Variants in KCTD14 observed in about 807,000 individuals in gnomAD.
KCTD14 encodes the protein potassium channel tetramerization domain containing 14, also known as BTB/POZ domain-containing protein KCTD14.
A neutral mutation model predicts 5.9 loss-of-function variants in KCTD14; 7 were observed. The ratio of observed to expected loss-of-function variants is 1.19; its 90% confidence interval spans 0.68 to 2.23. The LOEUF (loss-of-function observed/expected upper bound fraction) is 2.23. Among genes scored for constraint, KCTD14 ranks in the 30% most tolerant of loss-of-function variants. The probability of loss-of-function intolerance (pLI) is 0.00; values close to 1 mark genes in which losing one functional copy is unlikely to be tolerated. For missense variants in KCTD14, 342 were observed against 332.2 expected (o/e 1.03, Z -0.23); for synonymous variants, 140 against 133.1 (o/e 1.05, Z -0.36).
chr11:78,034,991 A>G (rs772161293), intron 2 of KCTD14, among the ~76,000 whole-genome samples: 22 of 152,180 alleles, frequency 1.4e-4, no homozygotes, highest in Non-Finnish European at 2.5e-4. Context: ...ACATAGAACT[A>G]AGAGTTGATG....
upstream of KCTD14, among the ~76,000 whole-genome samples, chr11:78,025,374 C>A (rs1193091718): frequency 2.0e-5 from 3 of 151,860 alleles, no homozygotes; most frequent in East Asian, 1.9e-4. Context: ...TATGTTCTAG[C>A]CATGCTGGCA....
upstream of KCTD14, among the ~76,000 whole-genome samples, chr11:78,025,118 G>GTGTGTATATATATA (rs1230114793): frequency 6.7e-4 from 30 of 44,472 alleles, no homozygotes; most frequent in East Asian, 1.1e-3. Flanking sequence ...GTGTGTGTGT[G>GTGTGTATATATATA]TATATATATA....
chr11:78,022,893 G>T (rs1257978630), intron 1 of KCTD14: 4 of 466,782 alleles, frequency 8.6e-6, no homozygotes, highest in Non-Finnish European at 1.5e-5. Flanking sequence ...ACCCAATGTA[G>T]AGGGAGGAAG....
chr11:78,024,876 C>T (rs767850482), upstream of KCTD14, among the ~76,000 whole-genome samples: 1 of 151,462 alleles, frequency 6.6e-6, no homozygotes, highest in African/African-American at 2.4e-5. Flanking sequence ...ACCTAGGAGA[C>T]GGAGGTTGCA....
At chr11:78,020,709 C>T (rs2034500) in intron 1 of KCTD14, among the ~76,000 whole-genome samples, 80,070 of 152,062 alleles carry the variant, frequency 0.53, 22,035 homozygotes, top group Admixed American at 0.64. Flanking sequence ...GCAAGGAAAG[C>T]TCAGACAGAA....
intron 1 of KCTD14, among the ~76,000 whole-genome samples, chr11:78,040,954 G>A (rs1857976439): frequency 6.6e-6 from 1 of 152,184 alleles, no homozygotes; most frequent in African/African-American, 2.4e-5. Context: ...ATAGGTGTGA[G>A]CCACCGCGCC....
chr11:78,019,341 G>C (rs530900999), intron 1 of KCTD14, among the ~76,000 whole-genome samples: 1 of 152,062 alleles, frequency 6.6e-6, no homozygotes, highest in South Asian at 2.1e-4. Context: ...AAGAGATGCG[G>C]TCTTGCTCTG....
chr11:78,017,153 A>G lies in KCTD14; in HGVS notation c.208T>C (p.Ser70Pro), dbSNP rs1565308202. 6.2e-7 allele frequency: 1 copy of G among 1,614,144 alleles called. No individual in the cohort carries two copies. The highest frequency in any genetic ancestry group is 8.5e-7 in the Non-Finnish European group (1 of 1,180,008). Residue 70 changes from serine to proline, a missense_variant, in exon 2 of 2, where the codon TCC becomes CCC. Coordinates refer to ENST00000353172, the MANE Select transcript of KCTD14 (RefSeq NM_023930.4). ...AAGAAGCGGCCCTCCGCGTCCGTGG[A>G]GGCCTTGGCTAAGCTAGAGAACATC... ...AEMFSSLAKA[S>P]TDAEGRFFID...
At chr11:78,041,290 A>G (rs556980366) in intron 1 of KCTD14, among the ~76,000 whole-genome samples, 8 of 152,310 alleles carry the variant, frequency 5.3e-5, no homozygotes, top group Middle Eastern at 3.4e-3. Flanking sequence ...TGGAGACCCA[A>G]GAACACAGCA....
upstream of KCTD14, chr11:78,023,278 C>T: frequency 6.2e-7 from 1 of 1,604,174 alleles, no homozygotes; most frequent in Non-Finnish European, 8.5e-7. Context: ...CGGAAGTGCC[C>T]CTGGCTGCCC....
chr11:78,040,606 C>G (rs553193695), intron 1 of KCTD14, among the ~76,000 whole-genome samples: 100 of 152,046 alleles, frequency 6.6e-4, no homozygotes, highest in Non-Finnish European at 1.3e-3. Flanking sequence ...GTGAGTCATC[C>G]CTTCCCCAGG....
rs138963290 is a variant in KCTD14, at chr11:78,017,057, G to C, written c.304C>G (p.His102Asp). 85 of 1,614,144 alleles carry C rather than the reference G, an allele frequency of 5.3e-5. No individual in the cohort carries two copies. The African/African-American group carries it at 1.0e-3, about 20-fold the overall frequency. Reference sequence around the variant, plus strand: ...GCCTCACGGTACACTTCAGGGATGTGCTGTGTGGGCACTTGCCCAGTGCGC... The same window carrying C: ...GCCTCACGGTACACTTCAGGGATGTCCTGTGTGGGCACTTGCCCAGTGCGC... ...YLRTGQVPTQHIPEVYREAQF... is the reference protein window; with the variant it reads ...YLRTGQVPTQDIPEVYREAQF... The change falls in exon 2 of 2, where the codon CAC (histidine) becomes GAC (aspartate). Residue 102 changes from histidine to aspartate, a missense_variant. Transcript: ENST00000353172.
intron 2 of KCTD14, among the ~76,000 whole-genome samples, chr11:78,032,137 T>C (rs2136737980): frequency 6.6e-6 from 1 of 152,310 alleles, no homozygotes; most frequent in East Asian, 1.9e-4. Flanking sequence ...GTACTGTCAG[T>C]GCCAGGCACA....
intron 1 of KCTD14, among the ~76,000 whole-genome samples, chr11:78,045,590 T>A (rs1858112719): frequency 6.6e-6 from 1 of 152,144 alleles, no homozygotes; most frequent in Non-Finnish European, 1.5e-5. Context: ...AAACTAAATG[T>A]CTTCCAAAGT....
chr11:78,041,650 A>G (rs974456980), intron 1 of KCTD14, among the ~76,000 whole-genome samples: 7 of 152,174 alleles, frequency 4.6e-5, no homozygotes, highest in African/African-American at 1.7e-4. Context: ...AAATCTTGCA[A>G]CTGCACTCTT....
At chr11:78,039,792 C>T (rs775288728) in intron 1 of KCTD14, among the ~76,000 whole-genome samples, 16 of 151,468 alleles carry the variant, frequency 1.1e-4, no homozygotes, top group Non-Finnish European at 2.2e-4. Flanking sequence ...GGTATCGTGA[C>T]GATTTCCCCC....
upstream of KCTD14, among the ~76,000 whole-genome samples, chr11:78,028,209 A>C (rs905168498): frequency 6.6e-6 from 1 of 152,176 alleles, no homozygotes; most frequent in African/African-American, 2.4e-5. Flanking sequence ...ACATCAGAGA[A>C]ATTTCAATAG....
chr11:78,016,643 T>C lies in KCTD14; in HGVS notation c.718A>G (p.Arg240Gly), dbSNP rs1236724637. The change falls in exon 2 of 2, where the codon AGA becomes GGA. Residue 240 changes from arginine to glycine, a missense_variant. Transcript: ENST00000353172. Reference sequence around the variant, plus strand: ...TAAATGTTAAAATGGAATTCGTTTCTTTTGGTGGGGTACGTCAGGTAGAAC... The same window carrying C: ...TAAATGTTAAAATGGAATTCGTTTCCTTTGGTGGGGTACGTCAGGTAGAAC... Reference protein sequence around the residue: ...SKFYLTYPTKRNEFHFNIYSF... With the variant: ...SKFYLTYPTKGNEFHFNIYSF... The C allele has an allele frequency of 1.9e-6, 3 of 1,614,080 alleles. No individual in the cohort carries two copies. Among genetic ancestry groups the C allele is most frequent in the Non-Finnish European group, 2.5e-6 (3 of 1,180,036 alleles).
At chr11:78,025,118 G>GTATGTATATATATATA (rs1857428375), upstream of KCTD14, among the ~76,000 whole-genome samples, 1 of 44,472 alleles carries the variant, frequency 2.2e-5, no homozygotes, top group African/African-American at 6.9e-5. Context: ...GTGTGTGTGT[G>GTATGTATATATATATA]TATATATATA....
Sources: gnomAD v4.1 joint callset for allele counts (sites outside exome capture counted in the v4.1 genomes callset) on GRCh38, gnomAD v4.1.1 for gene constraint, MANE v1.5 for transcripts, NCBI Gene and HGNC (gene_info 2026-07-23, HGNC 2026-07-21) for gene names.